Variants in SIK3 observed in about 807,000 individuals in gnomAD.
SIK3 encodes serine/threonine-protein kinase SIK3.
In SIK3, 28 loss-of-function variants were observed where a neutral mutation model predicts 144.2. The observed-to-expected ratio is 0.19, with a 90% confidence interval of 0.14 to 0.27. The LOEUF (loss-of-function observed/expected upper bound fraction) is 0.27, where lower values mean the gene tolerates loss of function less well. Ranked by LOEUF, SIK3 falls within the 10% of genes least tolerant of loss-of-function variation. SIK3 has a pLI of 1.00. For missense variants in SIK3, 1,319 were observed against 1,776.0 expected, an observed-to-expected ratio of 0.74 and a Z score of 4.62; for synonymous variants, 686 against 676.3, an observed-to-expected ratio of 1.01 and a Z score of -0.22.
chr11:117,030,335 T>A (rs759433032), intron 1 of SIK3, among the ~76,000 whole-genome samples: 1 of 152,136 alleles, frequency 6.6e-6, no homozygotes, highest in Non-Finnish European at 1.5e-5. Context: ...TTATTTGCAA[T>A]AGCAACAAAA....
At chr11:116,916,097 T>C (rs1946619397) in intron 4 of SIK3, among the ~76,000 whole-genome samples, 1 of 152,226 alleles carries the variant, frequency 6.6e-6, no homozygotes, top group Non-Finnish European at 1.5e-5. Flanking sequence ...TTGTATGACA[T>C]GAATCTCTTG....
At chr11:116,938,304 A>G (rs1357802115) in intron 3 of SIK3, among the ~76,000 whole-genome samples, 55 of 50,372 alleles carry the variant, frequency 1.1e-3, no homozygotes, top group African/African-American at 3.6e-3. Context: ...GGAGAGGAGA[A>G]GAGAAGGAGA....
intron 5 of SIK3, 119 bp downstream of exon 5, chr11:116,897,074 G>A: frequency 7.2e-6 from 6 of 834,858 alleles, no homozygotes; most frequent in Non-Finnish European, 5.2e-6. Context: ...GGACTTGAAA[G>A]AACAGGTGAC....
At chr11:117,022,324 T>C (rs1280253217) in intron 1 of SIK3, among the ~76,000 whole-genome samples, 1 of 152,292 alleles carries the variant, frequency 6.6e-6, no homozygotes, top group East Asian at 1.9e-4. Flanking sequence ...TTTCCTGGTA[T>C]ATAAATTTTA....
chr11:116,936,406 C>T (rs1043868905), intron 3 of SIK3, among the ~76,000 whole-genome samples: 2 of 152,108 alleles, frequency 1.3e-5, no homozygotes, highest in African/African-American at 4.8e-5. Context: ...AAACTCTTTA[C>T]CTCAAGTAAT....
intron 1 of SIK3, among the ~76,000 whole-genome samples, chr11:117,022,057 CTGCCTACAAAGAAAATA>C (rs1461676806): frequency 6.6e-6 from 1 of 151,516 alleles, no homozygotes; most frequent in Non-Finnish European, 1.5e-5. Flanking sequence ...AACAACAGGC[CTGCCTACAAAGAAAATA>C]TTAGTTTTAA....
In SIK3 at chr11:116,844,226, C is replaced by T. The variant is rs1941739579; in HGVS notation, c.*1417G>A. 6.6e-6 allele frequency: 1 copy of T among 152,116 alleles called. No homozygotes were observed. The highest frequency in any genetic ancestry group is 2.1e-4 in the South Asian group (1 of 4,822). The allele number at this position is 152,116 out of a possible 1,614,324, so 9.4% of individuals were successfully genotyped here. ...ACACAAATAATAGCTACTGCGTATG[C>T]ACTGCTTCAACTGGGGAAAGGAGAC... On this transcript the variant is annotated 3_prime_UTR_variant, in exon 25 of 25. Transcript: ENST00000445177.
chr11:116,974,860 G>A (rs1949891541), intron 1 of SIK3, among the ~76,000 whole-genome samples: 1 of 152,098 alleles, frequency 6.6e-6, no homozygotes, highest in African/African-American at 2.4e-5. Context: ...TGTTAGTTAA[G>A]GAATCCATGT....
rs1231290089 is a variant in SIK3 at position 116,867,177 on chromosome 11, G to A, written c.1952+769C>T. Among the ~76,000 whole-genome samples, 1 of 152,220 alleles carries A rather than the reference G, an allele frequency of 6.6e-6. No individual in the cohort carries two copies. Among genetic ancestry groups the A allele is most frequent in the African/African-American group, 2.4e-5 (1 of 41,454 alleles). ...AATAAAATACGCTCTAGTAACTGGT[G>A]GTGGCTTTGAACGTGTGGGCCATGA... is the stretch of plus-strand genomic sequence containing the variant. On this transcript the variant is annotated intron_variant, in intron 15 of 24. Coordinates refer to ENST00000445177, the MANE Select transcript of SIK3 (RefSeq NM_001366686.3). This position sits in a 1 kb window ranked among gnomAD's most constrained non-coding sequence, Gnocchi z 4.1.
At chr11:117,002,297 A>AT (rs778612214) in intron 1 of SIK3, among the ~76,000 whole-genome samples, 3,778 of 146,930 alleles carry the variant, frequency 0.026, 84 homozygotes, top group South Asian at 0.11. Context: ...CTTTTTTGCA[A>AT]TTTTTTTTTT....
chr11:117,056,602 G>T lies in SIK3; in HGVS notation c.273+41541C>A, dbSNP rs202196280. ...ATATAGATATAGATATAGATATAAA[G>T]TCCCCAAGAAGAAGTGGCAGAATGG... On this transcript the variant is annotated intron_variant, in intron 1 of 24. Coordinates refer to ENST00000445177, the MANE Select transcript of SIK3 (RefSeq NM_001366686.3). 3.6e-5 allele frequency among the ~76,000 whole-genome samples: 5 copies of T among 137,680 alleles called. No individual in the cohort carries two copies. In the East Asian group the frequency reaches 8.0e-4, roughly 22 times the overall value. The allele number at this position is 137,680 out of a possible 152,430, so 90.3% of individuals were successfully genotyped here.
chr11:117,039,709 T>C (rs1166187496), intron 1 of SIK3, among the ~76,000 whole-genome samples: 2 of 152,254 alleles, frequency 1.3e-5, no homozygotes, highest in Admixed American at 1.3e-4. Context: ...GCACTTAATA[T>C]GTAGTAGGTA....
chr11:116,969,959 T>C (rs1479628016), intron 1 of SIK3, among the ~76,000 whole-genome samples: 2 of 152,170 alleles, frequency 1.3e-5, no homozygotes, highest in Non-Finnish European at 2.9e-5. Context: ...TCCTCAATGT[T>C]TTCATCTATT....
chr11:117,097,568 A>G (rs1244364831), intron 1 of SIK3, among the ~76,000 whole-genome samples: 2 of 151,444 alleles, frequency 1.3e-5, no homozygotes, highest in African/African-American at 2.4e-5. Context: ...CGCACCATCT[A>G]TCAGTCTTAG....
At chr11:117,014,371 G>A (rs1555127304) in intron 1 of SIK3, among the ~76,000 whole-genome samples, 1 of 151,966 alleles carries the variant, frequency 6.6e-6, no homozygotes, top group Non-Finnish European at 1.5e-5. Context: ...AAATGTGAAA[G>A]GCAAAGCAAT....
chr11:117,050,242 T>A (rs1953172891), intron 1 of SIK3, among the ~76,000 whole-genome samples: 1 of 151,598 alleles, frequency 6.6e-6, no homozygotes, highest in South Asian at 2.1e-4. Flanking sequence ...TGAGCTGAGA[T>A]CGCGCCATTG....
At chr11:116,926,301 C>A (rs962831512) in intron 4 of SIK3, among the ~76,000 whole-genome samples, 5 of 152,182 alleles carry the variant, frequency 3.3e-5, no homozygotes, top group Non-Finnish European at 7.3e-5. Flanking sequence ...CTATAGATTG[C>A]AGTCACTTAA....
intron 19 of SIK3, 130 bp downstream of exon 19, chr11:116,861,144 C>T (rs1943299771): frequency 1.4e-6 from 1 of 725,198 alleles, no homozygotes; most frequent in Non-Finnish European, 2.3e-6. Context: ...AGCAGCTTGG[C>T]TCTAGAGTCC....
At chr11:116,912,209 G>C (rs553356287) in intron 4 of SIK3, among the ~76,000 whole-genome samples, 1 of 152,170 alleles carries the variant, frequency 6.6e-6, no homozygotes, top group Non-Finnish European at 1.5e-5. Context: ...TTCTAGGAAG[G>C]CTTAAATACC....
Sources: allele counts gnomAD v4.1 joint callset (sites outside exome capture counted in the v4.1 genomes callset), GRCh38; gene constraint gnomAD v4.1.1; non-coding constraint Gnocchi (gnomAD v3.1); transcripts MANE v1.5; gene names NCBI Gene and HGNC (gene_info 2026-07-23, HGNC 2026-07-21).